Variants in CCSER1 observed in about 807,000 individuals in gnomAD.
The protein encoded by CCSER1 is serine-rich coiled-coil domain-containing protein 1.
CCSER1 carries 41 observed loss-of-function variants against 82.0 expected under a neutral mutation model. The observed-to-expected ratio is 0.50, with a 90% CI of 0.39 to 0.65. The LOEUF is 0.65. Ranked by LOEUF, CCSER1 falls within the 30% of genes least tolerant of loss-of-function variation. The pLI is 0.00. For synonymous variants in CCSER1, 414 were observed against 383.9 expected (o/e 1.08, Z -0.92); for missense variants, 1,119 against 1,064.2 (o/e 1.05, Z -0.72).
chr4:90,468,289 T>C lies in CCSER1; in HGVS notation c.1659T>C (p.Thr553=), dbSNP rs1489125139. The change falls in exon 5 of 11, where the codon ACT becomes ACC. Residue 553 remains threonine (T), a synonymous_variant. Coordinates refer to ENST00000509176, the MANE Select transcript of CCSER1 (RefSeq NM_001145065.2). The part of the protein sequence containing the change: ...SVVSCAAVVL[T]PMEPMIEMKK... ...TCTCATGTGCCGCAGTAGTTCTTAC[T>C]CCTATGGAACCAATGATAGAAATGA... 1 of 1,609,060 alleles carries C rather than the reference T, an allele frequency of 6.2e-7. No individual in the cohort carries two copies. The highest frequency in any genetic ancestry group is 8.5e-7 in the Non-Finnish European group (1 of 1,176,842).
intron 3 of CCSER1, among the ~76,000 whole-genome samples, chr4:90,334,036 G>C (rs1739900209): frequency 6.6e-6 from 1 of 152,144 alleles, no homozygotes; most frequent in African/African-American, 2.4e-5. Context: ...TAATACTTCA[G>C]TATGCGATCA....
chr4:90,405,254 A>T (rs112262197), intron 4 of CCSER1, among the ~76,000 whole-genome samples: 1 of 152,012 alleles, frequency 6.6e-6, no homozygotes, highest in Non-Finnish European at 1.5e-5. Flanking sequence ...CAAGCAGAAG[A>T]AAGAACTTCA....
intron 10 of CCSER1, among the ~76,000 whole-genome samples, chr4:91,405,086 G>T (rs966118494): frequency 6.6e-6 from 1 of 152,140 alleles, no homozygotes; most frequent in Admixed American, 6.5e-5. Context: ...CTTCTGTATT[G>T]TGTGCATATA....
intron 10 of CCSER1, among the ~76,000 whole-genome samples, chr4:91,548,920 T>G (rs952880339): frequency 6.6e-6 from 1 of 152,174 alleles, no homozygotes; most frequent in Non-Finnish European, 1.5e-5. Flanking sequence ...GGGAAAATTC[T>G]TCATCATTAT....
intron 7 of CCSER1, among the ~76,000 whole-genome samples, chr4:90,792,220 G>C (rs754088284): frequency 2.0e-5 from 3 of 152,012 alleles, no homozygotes; most frequent in South Asian, 4.2e-4. Context: ...ATTGATGCTC[G>C]AGTCCATGAA....
intron 5 of CCSER1, 188 bp downstream of exon 5, chr4:90,468,542 T>G: frequency 2.1e-6 from 1 of 484,832 alleles, no homozygotes; most frequent in Non-Finnish European, 3.5e-6. Context: ...TTCATGTCTT[T>G]GAACCATGTG....
At chr4:90,837,532 A>G (rs1761963940) in intron 8 of CCSER1, among the ~76,000 whole-genome samples, 1 of 152,194 alleles carries the variant, frequency 6.6e-6, no homozygotes, top group Non-Finnish European at 1.5e-5. Flanking sequence ...TTACTATGTT[A>G]AACAAAATGT....
intron 10 of CCSER1, among the ~76,000 whole-genome samples, chr4:91,285,033 T>C (rs1177187316): frequency 6.6e-6 from 1 of 152,040 alleles, no homozygotes; most frequent in Non-Finnish European, 1.5e-5. Flanking sequence ...GAACTGCTAA[T>C]GTGAACAGAA....
At chr4:90,732,027 TTCTCTCTCTC>T (rs76331329) in intron 7 of CCSER1, among the ~76,000 whole-genome samples, 8,625 of 131,164 alleles carry the variant, frequency 0.066, 345 homozygotes, top group Admixed American at 0.12. Context: ...CTATTGGGAT[TTCTCTCTCTC>T]TCTCTCTCTC....
intron 10 of CCSER1, among the ~76,000 whole-genome samples, chr4:91,135,395 A>G (rs1352562686): frequency 6.6e-6 from 1 of 152,194 alleles, no homozygotes; most frequent in Non-Finnish European, 1.5e-5. Context: ...TGGATCCTAG[A>G]CCAGAAGAAA....
chr4:91,110,101 A>G (rs1209738192), intron 10 of CCSER1, among the ~76,000 whole-genome samples: 1 of 152,074 alleles, frequency 6.6e-6, no homozygotes, highest in Non-Finnish European at 1.5e-5. Flanking sequence ...ATCTGACACC[A>G]TTGCCAAACC....
chr4:90,695,559 A>G (rs1736852846), intron 6 of CCSER1, among the ~76,000 whole-genome samples: 1 of 151,986 alleles, frequency 6.6e-6, no homozygotes, highest in Non-Finnish European at 1.5e-5. Context: ...TAATCCTCTT[A>G]TTTACATAGG....
chr4:90,836,881 C>T (rs994178791), intron 8 of CCSER1, among the ~76,000 whole-genome samples: 22 of 152,288 alleles, frequency 1.4e-4, no homozygotes, highest in Admixed American at 2.6e-4. Flanking sequence ...GCCACTTGGC[C>T]GCTGTTTTTC....
chr4:91,020,864 CA>C (rs1341510715), intron 9 of CCSER1, among the ~76,000 whole-genome samples: 1 of 152,102 alleles, frequency 6.6e-6, no homozygotes, highest in African/African-American at 2.4e-5. Context: ...AACTAATACT[CA>C]AAGACCTTGA....
intron 6 of CCSER1, among the ~76,000 whole-genome samples, chr4:90,692,440 A>T (rs1023000013): frequency 2.6e-5 from 4 of 151,950 alleles, no homozygotes; most frequent in Non-Finnish European, 5.9e-5. Context: ...GAAAAATTAT[A>T]CATGGGCAAC....
At chr4:91,584,956 C>T (rs1763915923) in intron 10 of CCSER1, among the ~76,000 whole-genome samples, 1 of 151,272 alleles carries the variant, frequency 6.6e-6, no homozygotes, top group South Asian at 2.1e-4. Context: ...GTATTTTTAC[C>T]TTGAACTGAT....
intron 5 of CCSER1, among the ~76,000 whole-genome samples, chr4:90,535,007 A>T (rs1168037523): frequency 6.6e-6 from 1 of 152,200 alleles, no homozygotes; most frequent in Non-Finnish European, 1.5e-5. Context: ...TATGCATCTG[A>T]AATATTGAGG....
At chr4:90,201,105 G>A (rs1489988913) in intron 1 of CCSER1, among the ~76,000 whole-genome samples, 1 of 152,148 alleles carries the variant, frequency 6.6e-6, no homozygotes, top group African/African-American at 2.4e-5. Flanking sequence ...TTCTTAGAGT[G>A]CATGCTTCAC....
At chr4:91,158,147 A>G (rs562485392) in intron 10 of CCSER1, among the ~76,000 whole-genome samples, 25 of 152,062 alleles carry the variant, frequency 1.6e-4, no homozygotes, top group Non-Finnish European at 2.9e-4. Flanking sequence ...AATGCTTCTC[A>G]CTCAAAGCAG....
Sources: allele counts gnomAD v4.1 joint callset (sites outside exome capture counted in the v4.1 genomes callset), GRCh38; gene constraint gnomAD v4.1.1; transcripts MANE v1.5; gene names NCBI Gene and HGNC (gene_info 2026-07-23, HGNC 2026-07-21).